The following CDK12 variants were observed in gnomAD, a reference collection of about 807,000 sequenced individuals.
The protein encoded by CDK12 is cyclin-dependent kinase 12.
CDK12 carries 17 observed loss-of-function variants against 133.8 expected under a neutral mutation model. The observed-to-expected ratio is 0.13, with a 90% CI of 0.09 to 0.19. CDK12 has a LOEUF of 0.19. CDK12 is among the 10% of genes least tolerant of loss of function. The probability of loss-of-function intolerance (pLI) is 1.00; values close to 1 mark genes in which losing one functional copy is unlikely to be tolerated. For missense variants in CDK12, 1,508 were observed against 1,818.7 expected (o/e 0.83, Z 3.11); for synonymous variants, 694 against 683.6 (o/e 1.02, Z -0.24).
chr17:39,473,574 C>G (rs2049960090), intron 2 of CDK12, among the ~76,000 whole-genome samples: 1 of 152,026 alleles, frequency 6.6e-6, no homozygotes. Flanking sequence ...GGAACCCCAT[C>G]TCTACTAAAA....
chr17:39,487,840 C>T (rs1240313976), intron 2 of CDK12, among the ~76,000 whole-genome samples: 1 of 152,014 alleles, frequency 6.6e-6, no homozygotes, highest in Non-Finnish European at 1.5e-5. Flanking sequence ...GTCTTGAACT[C>T]CTGGGCTCAA....
At chr17:39,492,718 T>C (rs552215505) in intron 3 of CDK12, 33 bp from the exon 4 acceptor site, 2 of 1,586,728 alleles carry the variant, frequency 1.3e-6, no homozygotes, top group East Asian at 2.3e-5. Flanking sequence ...CTTCATTTTC[T>C]TAAATAACTA....
chr17:39,550,714 C>T (rs908459869), intron 1 of CDK12: 4 of 152,154 alleles, frequency 2.6e-5, no homozygotes, highest in African/African-American at 7.2e-5. Flanking sequence ...GGGTATGAAT[C>T]GTAGAACCTT....
downstream of CDK12, among the ~76,000 whole-genome samples, chr17:39,537,715 A>T (rs2055203327): frequency 6.6e-6 from 1 of 151,856 alleles, no homozygotes; most frequent in South Asian, 2.1e-4. Flanking sequence ...GGTGCGTGCC[A>T]CCATGCCCAG....
At chr17:39,482,422 C>A (rs1214087026) in intron 2 of CDK12, among the ~76,000 whole-genome samples, 1 of 151,794 alleles carries the variant, frequency 6.6e-6, no homozygotes, top group Non-Finnish European at 1.5e-5. Context: ...TCCAAATGAA[C>A]CAGGATTTTC....
At chr17:39,519,273 T>G (rs901011904) in intron 10 of CDK12, among the ~76,000 whole-genome samples, 1 of 151,506 alleles carries the variant, frequency 6.6e-6, no homozygotes, top group Non-Finnish European at 1.5e-5. Flanking sequence ...CTTGCTTTCT[T>G]TGGTTTTACA....
At chr17:39,508,994 T>C (rs1000787315) in intron 6 of CDK12, among the ~76,000 whole-genome samples, 1 of 43,968 alleles carries the variant, frequency 2.3e-5, no homozygotes, top group East Asian at 5.4e-4. Context: ...TGAGACTCTG[T>C]CTCAAAAAAA....
intron 6 of CDK12, among the ~76,000 whole-genome samples, chr17:39,504,107 A>G (rs1386358610): frequency 6.6e-6 from 1 of 152,180 alleles, no homozygotes; most frequent in Non-Finnish European, 1.5e-5. Flanking sequence ...AAAGTAAGAT[A>G]ACTCACAGGT....
intron 2 of CDK12, among the ~76,000 whole-genome samples, chr17:39,484,786 C>T (rs1462004323): frequency 6.6e-6 from 1 of 152,052 alleles, no homozygotes; most frequent in Non-Finnish European, 1.5e-5. Flanking sequence ...AAAGGAAATG[C>T]TCATTGGAGC....
chr17:39,477,709 A>G (rs1391292480), intron 2 of CDK12, among the ~76,000 whole-genome samples: 7 of 151,276 alleles, frequency 4.6e-5, no homozygotes, highest in Non-Finnish European at 8.8e-5. Context: ...AGTAGCTGGG[A>G]CTACAGGCGC....
chr17:39,468,629 C>G lies in CDK12; in HGVS notation c.1047-2250C>G, dbSNP rs566418133. On this transcript the variant is annotated intron_variant, in intron 1 of 13. Coordinates refer to ENST00000447079, the MANE Select transcript of CDK12 (RefSeq NM_016507.4). ...TAGCTGGGATTACAGGCATGCATCACCATGCCCGGCTAATTTTGTATTTTT... is the reference window on the plus strand; with the variant it reads ...TAGCTGGGATTACAGGCATGCATCAGCATGCCCGGCTAATTTTGTATTTTT... Among the ~76,000 whole-genome samples, 103 of 151,892 alleles carry G rather than the reference C, an allele frequency of 6.8e-4. 1 individual carries two copies. Among genetic ancestry groups the G allele is most frequent in the Non-Finnish European group, 1.0e-3 (69 of 67,962 alleles).
intron 11 of CDK12, among the ~76,000 whole-genome samples, chr17:39,521,451 C>CA (rs1185675115): frequency 1.3e-5 from 2 of 151,916 alleles, no homozygotes; most frequent in Non-Finnish European, 2.9e-5. Flanking sequence ...TTAGTAGAGA[C>CA]AGGGTTTCAT....
intron 6 of CDK12, among the ~76,000 whole-genome samples, chr17:39,505,920 G>A (rs2053088059): frequency 6.6e-6 from 1 of 152,146 alleles, no homozygotes; most frequent in Non-Finnish European, 1.5e-5. Context: ...AAGGAAAGAG[G>A]AAAGTAAAAT....
At chr17:39,465,921 A>G (rs1391978651) in intron 1 of CDK12, among the ~76,000 whole-genome samples, 1 of 152,194 alleles carries the variant, frequency 6.6e-6, no homozygotes, top group Non-Finnish European at 1.5e-5. Context: ...TGCTAAGACT[A>G]AAACACTAAA....
intron 1 of CDK12, among the ~76,000 whole-genome samples, chr17:39,469,787 A>G (rs2049645746): frequency 6.6e-6 from 1 of 151,572 alleles, no homozygotes; most frequent in Non-Finnish European, 1.5e-5. Context: ...ACAGGCGCCC[A>G]CCACAACGCC....
chr17:39,535,460 A>G (rs990771693), downstream of CDK12, among the ~76,000 whole-genome samples: 6 of 152,288 alleles, frequency 3.9e-5, no homozygotes, highest in Non-Finnish European at 7.4e-5. Context: ...AGGAGAATGG[A>G]GAGCTCAAGA....
intron 5 of CDK12, among the ~76,000 whole-genome samples, chr17:39,496,255 A>C (rs891518095): frequency 1.3e-5 from 2 of 152,128 alleles, no homozygotes; most frequent in Non-Finnish European, 2.9e-5. Context: ...TTATTTTAAC[A>C]AAGCTGAGAT....
intron 11 of CDK12, 136 bp from the exon 12 acceptor site, chr17:39,524,538 C>CT: frequency 2.8e-6 from 2 of 709,372 alleles, no homozygotes; most frequent in Non-Finnish European, 4.6e-6. Flanking sequence ...CTTTTACTAA[C>CT]TTTTTTGGTT....
At chr17:39,471,809 A>G in intron 2 of CDK12, 46 bp downstream of exon 2, 1 of 1,489,558 alleles carries the variant, frequency 6.7e-7, no homozygotes, top group East Asian at 2.3e-5. Context: ...ATCTAAACAT[A>G]AAGCATTTTC....
Sources: gnomAD v4.1 joint callset for allele counts (sites outside exome capture counted in the v4.1 genomes callset) on GRCh38, gnomAD v4.1.1 for gene constraint, MANE v1.5 for transcripts, NCBI Gene and HGNC (gene_info 2026-07-23, HGNC 2026-07-21) for gene names.